NAALADL2: variants seen among roughly 807,000 people sequenced by gnomAD.
The protein encoded by NAALADL2 is N-acetylated alpha-linked acidic dipeptidase like 2, also known as inactive N-acetylated-alpha-linked acidic dipeptidase-like protein 2.
In NAALADL2, 76 loss-of-function variants were observed where a neutral mutation model predicts 87.2. That is an observed-to-expected ratio of 0.87 (90% confidence interval 0.72 to 1.05). The LOEUF (loss-of-function observed/expected upper bound fraction) is 1.05. NAALADL2 is among the 50% of genes least tolerant of loss of function. The pLI is 0.00. For synonymous variants in NAALADL2, 354 were observed against 331.0 expected (o/e 1.07, Z -0.75); for missense variants, 1,089 against 945.8 (o/e 1.15, Z -1.99).
intron 1 of NAALADL2, among the ~76,000 whole-genome samples, chr3:175,052,825 G>A (rs758196864): frequency 6.6e-6 from 1 of 152,116 alleles, no homozygotes; most frequent in Non-Finnish European, 1.5e-5. Context: ...ATCATTTGAG[G>A]TTGAGGTGCC....
At chr3:174,551,613 C>A (rs754302231) in intron 2 of NAALADL2, among the ~76,000 whole-genome samples, 7 of 152,140 alleles carry the variant, frequency 4.6e-5, no homozygotes, top group Admixed American at 2.0e-4. Flanking sequence ...GCATCCAGAT[C>A]AACTGTTAAC....
At chr3:174,823,804 G>A (rs761603674) in intron 3 of NAALADL2, among the ~76,000 whole-genome samples, 1 of 152,082 alleles carries the variant, frequency 6.6e-6, no homozygotes, top group Non-Finnish European at 1.5e-5. Context: ...TCCGCCTCCC[G>A]GGTTCAAGCT....
At chr3:174,961,251 A>G (rs1483008139) in intron 1 of NAALADL2, among the ~76,000 whole-genome samples, 1 of 151,292 alleles carries the variant, frequency 6.6e-6, no homozygotes, top group African/African-American at 2.4e-5. Context: ...TCCAAAGCGC[A>G]CTGGGATTAC....
chr3:175,099,886 G>A (rs906200293), intron 2 of NAALADL2, among the ~76,000 whole-genome samples: 1 of 151,932 alleles, frequency 6.6e-6, no homozygotes, highest in Admixed American at 6.5e-5. Flanking sequence ...ATTTTCTAAA[G>A]AATGAAATGA....
At chr3:174,827,679 A>G (rs1230655778) in intron 3 of NAALADL2, among the ~76,000 whole-genome samples, 1 of 152,198 alleles carries the variant, frequency 6.6e-6, no homozygotes. Context: ...ATGTATTGGG[A>G]TATGGACATT....
chr3:175,085,796 T>G (rs1272270718), intron 1 of NAALADL2, among the ~76,000 whole-genome samples: 1 of 152,142 alleles, frequency 6.6e-6, no homozygotes, highest in Admixed American at 6.5e-5. Flanking sequence ...CATGTGCCTG[T>G]AGTCCCAGCT....
chr3:175,072,694 G>A (rs1335271552), intron 1 of NAALADL2, among the ~76,000 whole-genome samples: 1 of 82,282 alleles, frequency 1.2e-5, no homozygotes, highest in Admixed American at 2.1e-4. Context: ...AAAACGGGGT[G>A]GGGGGAGGGG....
chr3:175,503,722 G>A (rs564740831), intron 9 of NAALADL2, among the ~76,000 whole-genome samples: 1 of 152,252 alleles, frequency 6.6e-6, no homozygotes, highest in South Asian at 2.1e-4. Flanking sequence ...CTACACGTGT[G>A]TCTTCTTTTG....
chr3:175,302,970 A>T (rs1182896510), intron 4 of NAALADL2, among the ~76,000 whole-genome samples: 1 of 152,124 alleles, frequency 6.6e-6, no homozygotes, highest in East Asian at 1.9e-4. Flanking sequence ...AGATTACTTG[A>T]AAGGAAATAT....
intron 1 of NAALADL2, among the ~76,000 whole-genome samples, chr3:175,067,891 A>G (rs1714836300): frequency 1.3e-5 from 2 of 152,162 alleles, no homozygotes; most frequent in African/African-American, 4.8e-5. Context: ...TATATACACC[A>G]TGAAATACAA....
At chr3:174,867,136 G>A (rs1727246999) in intron 1 of NAALADL2, among the ~76,000 whole-genome samples, 1 of 151,026 alleles carries the variant, frequency 6.6e-6, no homozygotes, top group South Asian at 2.1e-4. Flanking sequence ...ATAATAAATA[G>A]TTTATCTTCA....
chr3:175,782,402 C>G, intron 13 of NAALADL2, among the ~76,000 whole-genome samples: 2 of 74,828 alleles, frequency 2.7e-5, no homozygotes, highest in African/African-American at 1.2e-4. Context: ...GCCATTCTAA[C>G]TGGTGTGAGA....
intron 2 of NAALADL2, among the ~76,000 whole-genome samples, chr3:174,651,370 A>T (rs1302748785): frequency 2.0e-5 from 3 of 152,190 alleles, no homozygotes; most frequent in Admixed American, 1.3e-4. Flanking sequence ...CAAAACTTGG[A>T]GTGGATACAT....
chr3:175,412,891 T>TTTATTATTATTA (rs58135076), intron 5 of NAALADL2, among the ~76,000 whole-genome samples: 27,286 of 122,666 alleles, frequency 0.22, 3,414 homozygotes, highest in Non-Finnish European at 0.25. Flanking sequence ...ATTTAATTTA[T>TTTATTATTATTA]TTATTATTAT....
At chr3:174,592,015 G>A (rs930804239) in intron 2 of NAALADL2, among the ~76,000 whole-genome samples, 13 of 152,072 alleles carry the variant, frequency 8.5e-5, no homozygotes, top group African/African-American at 3.1e-4. Context: ...TTAATAACAG[G>A]CTTAAGAAGT....
At chr3:175,289,602 CA>C (rs59422956) in intron 4 of NAALADL2, among the ~76,000 whole-genome samples, 117,134 of 151,538 alleles carry the variant, frequency 0.77, 45,814 homozygotes, top group African/African-American at 0.83. Flanking sequence ...TCCCTCCCCC[CA>C]AAAAAATAAA....
intron 2 of NAALADL2, among the ~76,000 whole-genome samples, chr3:174,630,284 G>C (rs142015160): frequency 2.6e-5 from 4 of 151,970 alleles, no homozygotes; most frequent in African/African-American, 9.6e-5. Flanking sequence ...TTTGAGAAAG[G>C]GCAAAGAATT....
intron 12 of NAALADL2, among the ~76,000 whole-genome samples, chr3:175,753,289 C>T (rs1746837026): frequency 6.6e-6 from 1 of 152,156 alleles, no homozygotes; most frequent in African/African-American, 2.4e-5. Context: ...GCAAAAATGA[C>T]TATGTTCTCT....
At chr3:174,572,582 G>T (rs1715057840) in intron 2 of NAALADL2, among the ~76,000 whole-genome samples, 1 of 152,022 alleles carries the variant, frequency 6.6e-6, no homozygotes, top group African/African-American at 2.4e-5. Context: ...ATTCAAAAAG[G>T]ATATTATTTG....
Sources: gnomAD v4.1 joint callset for allele counts (sites outside exome capture counted in the v4.1 genomes callset) on GRCh38, gnomAD v4.1.1 for gene constraint, MANE v1.5 for transcripts, NCBI Gene and HGNC (gene_info 2026-07-23, HGNC 2026-07-21) for gene names.